The following KCNJ9 variants were observed in gnomAD, a reference collection of about 807,000 sequenced individuals.
KCNJ9 encodes the protein potassium inwardly rectifying channel subfamily J member 9, also known as G protein-activated inward rectifier potassium channel 3.
A neutral mutation model predicts 27.9 loss-of-function variants in KCNJ9; 18 were observed. That is an observed-to-expected ratio of 0.65 (90% confidence interval 0.45 to 0.96). KCNJ9 has a LOEUF of 0.96. KCNJ9 is among the 40% of genes least tolerant of loss of function. The pLI is 0.00. For missense variants in KCNJ9, 324 were observed against 557.5 expected (o/e 0.58, Z 4.22); for synonymous variants, 229 against 248.2 (o/e 0.92, Z 0.73).
rs1289820529 is a variant in KCNJ9, at chr1:160,087,895, A to T, written c.*78A>T. On this transcript the variant is annotated 3_prime_UTR_variant, in exon 3 of 3. Transcript: ENST00000368088. ...GGGAACTGCATATCGGAGGTGGTGG[A>T]GGAGGAGGAGGAGGAGGAAGGCAAA... is the stretch of plus-strand genomic sequence containing the variant. The T allele has an allele frequency of 2.7e-4, 264 of 995,848 alleles. No homozygotes were observed. The highest frequency in any genetic ancestry group is 1.1e-3 in the Middle Eastern group (3 of 2,772). The allele number at this position is 995,848 out of a possible 1,614,324, so 61.7% of individuals were successfully genotyped here. A position where few individuals can be genotyped will look rare whatever the true frequency, so the allele number is the denominator to read the frequency against.
rs1410914183 is a variant in KCNJ9 at position 160,088,113 on chromosome 1, G to T, written c.*296G>T. 5.5e-5 allele frequency: 19 copies of T among 348,364 alleles called. No homozygotes were observed. The highest frequency in any genetic ancestry group is 1.0e-5 in the Non-Finnish European group (2 of 193,960). The allele number at this position is 348,364 out of a possible 1,614,324, so 21.6% of individuals were successfully genotyped here. On this transcript the variant is annotated 3_prime_UTR_variant, in exon 3 of 3. Coordinates refer to ENST00000368088, the MANE Select transcript of KCNJ9 (RefSeq NM_004983.3). ...ACAGAATGATGGACTTTTGGGGGTT[G>T]GATGGGAAGATGGTAGCAGATAAAG...
In KCNJ9 at chr1:160,081,621, T is replaced by TG. The variant is rs1014132077; in HGVS notation, c.-183dup. The TG allele has an allele frequency of 1.5e-3, 228 of 151,306 alleles. No individual in the cohort carries two copies. The highest frequency in any genetic ancestry group is 4.0e-3 in the African/African-American group (163 of 41,250). The allele number at this position is 151,306 out of a possible 1,614,324, so 9.4% of individuals were successfully genotyped here. ...CGGCTCCCACCCTTCGGGGGGCCCG[T>TG]GGGGGGGGCGGTGTCAGGGGCATGG... is the stretch of plus-strand genomic sequence containing the variant. On this transcript the variant is annotated 5_prime_UTR_variant, in exon 1 of 3. Transcript: ENST00000368088.
In KCNJ9 at chr1:160,090,534, T is replaced by C. The variant is rs1649883892; in HGVS notation, c.*2717T>C. 1 of 152,252 alleles carries C rather than the reference T, an allele frequency of 6.6e-6. No individual in the cohort carries two copies. Among genetic ancestry groups the C allele is most frequent in the Non-Finnish European group, 1.5e-5 (1 of 68,060 alleles). The allele number at this position is 152,252 out of a possible 1,614,324, so 9.4% of individuals were successfully genotyped here. The stretch of plus-strand genomic sequence containing the variant: ...TGTAAAAATGACAGCAAACTCGTAA[T>C]GCTCAATAAATGTTTAAATAACAAC... On this transcript the variant is annotated 3_prime_UTR_variant, in exon 3 of 3. Transcript: ENST00000368088.
rs752202275 is a variant in KCNJ9 at position 160,084,153 on chromosome 1, A to C, written c.123A>C (p.Thr41=). 5 of 1,590,920 alleles carry C rather than the reference A, an allele frequency of 3.1e-6. No homozygotes were observed. The highest frequency in any genetic ancestry group is 4.3e-6 in the Non-Finnish European group (5 of 1,168,476). The change falls in exon 2 of 3, where the codon ACA becomes ACC. Residue 41 remains threonine (T), a synonymous_variant. Coordinates refer to ENST00000368088, the MANE Select transcript of KCNJ9 (RefSeq NM_004983.3). ...CNVQQGNVRE[T]YRYLTDLFTT... is the part of the protein sequence containing the mutation. ...TGCAGCAGGGCAACGTGCGCGAGAC[A>C]TACCGCTACCTGACGGACCTGTTCA... is the stretch of plus-strand genomic sequence containing the variant.
chr1:160,087,462 CCT>C, intron 2 of KCNJ9, 22 bp from the exon 3 acceptor site: 1 of 1,571,968 alleles, frequency 6.4e-7, no homozygotes, highest in Non-Finnish European at 8.7e-7. Context: ...TGAGATTCCC[CCT>C]GACCGGTGCC....
Position 160,084,631 on chromosome 1 carries a change from G to A in KCNJ9, c.601G>A (p.Val201Met), listed in dbSNP as rs1205654936. 1.2e-6 allele frequency: 2 copies of A among 1,606,428 alleles called. No individual in the cohort carries two copies. Among genetic ancestry groups the A allele is most frequent in the Non-Finnish European group, 1.7e-6 (2 of 1,176,720 alleles). Residue 201 changes from valine (V) to methionine (M), a missense_variant, in exon 2 of 3, where the codon GTG (valine) becomes ATG (methionine). Physicochemically the swap from Val to Met is conservative, Grantham distance 21 (BLOSUM62 1). Coordinates refer to ENST00000368088, the MANE Select transcript of KCNJ9 (RefSeq NM_004983.3). The stretch of plus-strand genomic sequence containing the variant: ...GGGCGACTTGCGCTCCTCACACATA[G>A]TGGAGGCCTCCATCCGCGCCAAGCT... ...RVGDLRSSHI[V>M]EASIRAKLIR... is the part of the protein sequence containing the mutation.
At chr1:160,083,555 A>G (rs1649718985) in intron 1 of KCNJ9, among the ~76,000 whole-genome samples, 1 of 152,082 alleles carries the variant, frequency 6.6e-6, no homozygotes, top group African/African-American at 2.4e-5. Flanking sequence ...AAAAGCCCCC[A>G]GTCTATTGAT....
chr1:160,089,168 T>A lies in KCNJ9; in HGVS notation c.*1351T>A, dbSNP rs974130233. The stretch of plus-strand genomic sequence containing the variant: ...TGTGCTCTAAGTGAATACTTGGAAG[T>A]CGTTTCAGGACATGGGGCATAGAAA... On this transcript the variant is annotated 3_prime_UTR_variant, in exon 3 of 3. Transcript: ENST00000368088. 6.6e-6 allele frequency: 1 copy of A among 152,306 alleles called. No individual in the cohort carries two copies. The highest frequency in any genetic ancestry group is 1.5e-5 in the Non-Finnish European group (1 of 68,100). 9.4% of individuals were successfully genotyped at this position (152,306 alleles called of 1,614,324 possible).
At chr1:160,082,075 C>T (rs12046230) in intron 1 of KCNJ9, among the ~76,000 whole-genome samples, 10,091 of 152,282 alleles carry the variant, frequency 0.066, 498 homozygotes, top group East Asian at 0.2. Context: ...TAAGGTTTAC[C>T]TAGATCCCTG....
intron 2 of KCNJ9, among the ~76,000 whole-genome samples, chr1:160,086,630 A>G (rs1469780829): frequency 6.6e-6 from 1 of 152,248 alleles, no homozygotes; most frequent in Non-Finnish European, 1.5e-5. Flanking sequence ...CTGGTGAAAA[A>G]AGAACTGGGA....
rs1244742088 is a variant in KCNJ9, at chr1:160,084,582, G to A, written c.552G>A (p.Gly184=). ...SSHAVVSLRD[G]RLCLMFRVGD... ...ACGCCGTGGTGTCGCTGCGCGACGG[G>A]CGCCTCTGCCTCATGTTCCGCGTGG... Residue 184 remains glycine (G), a synonymous_variant, in exon 2 of 3, where the codon GGG becomes GGA. Coordinates refer to ENST00000368088, the MANE Select transcript of KCNJ9 (RefSeq NM_004983.3). 6.2e-7 allele frequency: 1 copy of A among 1,610,648 alleles called. No individual in the cohort carries two copies. Among genetic ancestry groups the A allele is most frequent in the African/African-American group, 1.3e-5 (1 of 75,022 alleles).
rs1466324138 is a variant in KCNJ9, at chr1:160,084,327, G to C, written c.297G>C (p.Pro99=). 6.2e-7 allele frequency: 1 copy of C among 1,613,430 alleles called. No individual in the cohort carries two copies. The highest frequency in any genetic ancestry group is 8.5e-7 in the Non-Finnish European group (1 of 1,179,972). Reference sequence around the variant, plus strand: ...ACCTGGAGGACACCGCGTGGACGCCGTGCGTCAACAACCTCAACGGCTTCG... The same window carrying C: ...ACCTGGAGGACACCGCGTGGACGCCCTGCGTCAACAACCTCAACGGCTTCG... The part of the protein sequence containing the change: ...LEHLEDTAWT[P]CVNNLNGFVA... Residue 99 remains proline (P), a synonymous_variant, in exon 2 of 3, where the codon CCG becomes CCC. Transcript: ENST00000368088.
rs1284535589 is a variant in KCNJ9, at chr1:160,089,047, T to C, written c.*1230T>C. ...AGATTTTTGGGCTCCACTCCAAGGG[T>C]TTCTGACCCAAGAGGTGGGGACCAA... On this transcript the variant is annotated 3_prime_UTR_variant, in exon 3 of 3. Coordinates refer to ENST00000368088, the MANE Select transcript of KCNJ9 (RefSeq NM_004983.3). 1.3e-5 allele frequency: 2 copies of C among 151,462 alleles called. No individual in the cohort carries two copies. The highest frequency in any genetic ancestry group is 2.9e-5 in the Non-Finnish European group (2 of 67,902). 9.4% of individuals were successfully genotyped at this position (151,462 alleles called of 1,614,324 possible).
Position 160,087,831 on chromosome 1 carries a change from G to A in KCNJ9, c.*14G>A. On this transcript the variant is annotated 3_prime_UTR_variant, in exon 3 of 3. Coordinates refer to ENST00000368088, the MANE Select transcript of KCNJ9 (RefSeq NM_004983.3). ...TCCAAGGTGTGACCAGCTTCCTCCA[G>A]ACCCCTGTGGCAGACCGGGGGCCAG... is the stretch of plus-strand genomic sequence containing the variant. The A allele has an allele frequency of 6.9e-7, 1 of 1,453,090 alleles. No homozygotes were observed. Among genetic ancestry groups the A allele is most frequent in the African/African-American group, 1.4e-5 (1 of 70,438 alleles). The allele number at this position is 1,453,090 out of a possible 1,614,324, so 90.0% of individuals were successfully genotyped here. A position where few individuals can be genotyped will look rare whatever the true frequency, so the allele number is the denominator to read the frequency against.
intron 1 of KCNJ9, among the ~76,000 whole-genome samples, chr1:160,082,607 T>C (rs1649702144): frequency 6.6e-6 from 1 of 152,150 alleles, no homozygotes; most frequent in Admixed American, 6.5e-5. Flanking sequence ...CCCAGGCAGT[T>C]TCTCCCCAGG....
chr1:160,087,470 G>A lies in KCNJ9; in HGVS notation c.851-16G>A, dbSNP rs764490058. 6.3e-7 allele frequency: 1 copy of A among 1,579,514 alleles called. No homozygotes were observed. The highest frequency in any genetic ancestry group is 1.7e-4 in the Middle Eastern group (1 of 5,910). On this transcript the variant is annotated splice_polypyrimidine_tract_variant and intron_variant, in intron 2 of 2. Coordinates refer to ENST00000368088, the MANE Select transcript of KCNJ9 (RefSeq NM_004983.3). ...CTGGAGCTGAGATTCCCCCTGACCGGTGCCCCTCCTCCCAGGAATGACATG... is the reference window on the plus strand; with the variant it reads ...CTGGAGCTGAGATTCCCCCTGACCGATGCCCCTCCTCCCAGGAATGACATG...
At chr1:160,087,430 A>G in intron 2 of KCNJ9, 56 bp from the exon 3 acceptor site, 2 of 1,538,402 alleles carry the variant, frequency 1.3e-6, no homozygotes, top group Non-Finnish European at 1.8e-6. Context: ...TGGAATGAGA[A>G]GAGGAGAGGG....
chr1:160,084,180 C>G lies in KCNJ9; in HGVS notation c.150C>G (p.Thr50=), dbSNP rs377435879. 2.6e-5 allele frequency: 42 copies of G among 1,608,456 alleles called. No individual in the cohort carries two copies. Among genetic ancestry groups the G allele is most frequent in the Non-Finnish European group, 3.5e-5 (41 of 1,177,422 alleles). The change falls in exon 2 of 3, where the codon ACC becomes ACG. Residue 50 remains threonine (T), a synonymous_variant. Transcript: ENST00000368088. ...ACCGCTACCTGACGGACCTGTTCAC[C>G]ACGCTGGTGGACCTGCAGTGGCGCC... is the stretch of plus-strand genomic sequence containing the variant. ...ETYRYLTDLF[T]TLVDLQWRLS... is the part of the protein sequence containing the mutation.
At chr1:160,082,826 T>A (rs1250229439) in intron 1 of KCNJ9, among the ~76,000 whole-genome samples, 1 of 152,116 alleles carries the variant, frequency 6.6e-6, no homozygotes, top group South Asian at 2.1e-4. Context: ...GGGGAAGGGC[T>A]CTGGACCTCT....
Sources: gnomAD v4.1 joint callset for allele counts (sites outside exome capture counted in the v4.1 genomes callset) on GRCh38, gnomAD v4.1.1 for gene constraint, MANE v1.5 for transcripts, NCBI Gene and HGNC (gene_info 2026-07-23, HGNC 2026-07-21) for gene names.